The following SNTB1 variants were observed in gnomAD, a reference collection of about 807,000 sequenced individuals.
The protein encoded by SNTB1 is beta-1-syntrophin.
Under a neutral mutation model 48.9 loss-of-function variants are expected in SNTB1, and 36 were observed. The observed-to-expected ratio is 0.74, with a 90% CI of 0.56 to 0.97. The LOEUF (loss-of-function observed/expected upper bound fraction) is 0.97. Ranked by LOEUF, SNTB1 falls within the 50% of genes least tolerant of loss-of-function variation. The pLI is 0.00. For missense variants in SNTB1, 786 were observed against 703.4 expected (o/e 1.12, Z -1.33); for synonymous variants, 299 against 294.6 (o/e 1.01, Z -0.15).
At chr8:120,567,622 T>G (rs1586999023) in intron 4 of SNTB1, among the ~76,000 whole-genome samples, 1 of 151,980 alleles carries the variant, frequency 6.6e-6, no homozygotes, top group South Asian at 2.1e-4. Flanking sequence ...GGATCCTCCA[T>G]GTTGCCCAGG....
intron 1 of SNTB1, chr8:120,768,603 T>A (rs1017399759): frequency 1.3e-5 from 2 of 151,766 alleles, no homozygotes; most frequent in Non-Finnish European, 2.9e-5. Context: ...GTCTTGGGAG[T>A]AGTGTGTTGG....
chr8:120,746,148 C>T (rs1819122265), intron 1 of SNTB1, among the ~76,000 whole-genome samples: 1 of 152,168 alleles, frequency 6.6e-6, no homozygotes, highest in African/African-American at 2.4e-5. Context: ...TTCATCTCTG[C>T]CACCCCAATG....
chr8:120,713,798 T>C (rs1453119204), intron 1 of SNTB1, among the ~76,000 whole-genome samples: 1 of 152,218 alleles, frequency 6.6e-6, no homozygotes, highest in Non-Finnish European at 1.5e-5. Flanking sequence ...TTTCACACTG[T>C]GTAACATGTT....
At chr8:120,630,422 T>C (rs1378139121) in intron 3 of SNTB1, among the ~76,000 whole-genome samples, 2 of 152,244 alleles carry the variant, frequency 1.3e-5, no homozygotes, top group Non-Finnish European at 1.5e-5. Context: ...GGCTTCTTAC[T>C]ACTGTTGGCC....
At chr8:120,544,046 C>G (rs894800125) in intron 5 of SNTB1, among the ~76,000 whole-genome samples, 1 of 151,378 alleles carries the variant, frequency 6.6e-6, no homozygotes, top group Non-Finnish European at 1.5e-5. Context: ...CCGCCTCAGT[C>G]TCCTGAGTAG....
Position 120,811,608 on chromosome 8 carries a change from G to A in SNTB1, c.236C>T (p.Ala79Val), listed in dbSNP as rs201940243. Residue 79 changes from alanine to valine, a missense_variant, in exon 1 of 7, where the codon GCG becomes GTG. Physicochemically the swap from Ala to Val is moderately conservative, Grantham distance 64. Transcript: ENST00000517992. ...CRGAGAGHPGAGGAQPPDSPA... is the reference protein window; with the variant it reads ...CRGAGAGHPGVGGAQPPDSPA... ...CGAGTCCGGGGGCTGCGCGCCGCCC[G>A]CGCCCGGGTGCCCAGCCCCGGCGCC... 1.3e-3 allele frequency: 1,979 copies of A among 1,580,918 alleles called. 16 individuals carry two copies. The highest frequency in any genetic ancestry group is 0.01 in the Middle Eastern group (59 of 5,800).
chr8:120,547,495 G>A (rs947699159), intron 5 of SNTB1, among the ~76,000 whole-genome samples: 1 of 151,504 alleles, frequency 6.6e-6, no homozygotes, highest in Non-Finnish European at 1.5e-5. Flanking sequence ...TACTCAGGAG[G>A]CTGAGGCAGG....
intron 4 of SNTB1, chr8:120,570,842 T>C (rs1394150580): frequency 6.2e-6 from 1 of 161,730 alleles, no homozygotes; most frequent in Non-Finnish European, 1.3e-5. Flanking sequence ...CTTGTTCCTC[T>C]GGTGAGTTTT....
chr8:120,716,567 T>A (rs545844058), intron 1 of SNTB1, among the ~76,000 whole-genome samples: 1 of 152,266 alleles, frequency 6.6e-6, no homozygotes, highest in East Asian at 1.9e-4. Context: ...AGGTCTCTGT[T>A]TTTAGACACT....
At chr8:120,565,220 A>G (rs947183650) in intron 4 of SNTB1, among the ~76,000 whole-genome samples, 1 of 152,186 alleles carries the variant, frequency 6.6e-6, no homozygotes, top group Non-Finnish European at 1.5e-5. Context: ...TAGCCAATGT[A>G]TTTATAAACC....
chr8:120,560,096 G>A (rs72680546), intron 4 of SNTB1, among the ~76,000 whole-genome samples: 3,702 of 152,302 alleles, frequency 0.024, 68 homozygotes, highest in Middle Eastern at 0.037. Context: ...ATTGTCAGGT[G>A]AGAGGGGTTT....
At chr8:120,582,934 T>TA (rs535235215) in intron 3 of SNTB1, among the ~76,000 whole-genome samples, 46 of 151,500 alleles carry the variant, frequency 3.0e-4, no homozygotes, top group Non-Finnish European at 5.7e-4. Context: ...AAAGTAAAAT[T>TA]AAAAAAAATG....
At chr8:120,654,071 A>AAAAAAAAAAAAAAAAAAAAAAAAAAAAT (rs1817457552) in intron 2 of SNTB1, among the ~76,000 whole-genome samples, 1 of 144,012 alleles carries the variant, frequency 6.9e-6, no homozygotes, top group Non-Finnish European at 1.5e-5. Flanking sequence ...AAAAAAAAAA[A>AAAAAAAAAAAAAAAAAAAAAAAAAAAAT]GTTGTCTTCT....
intron 2 of SNTB1, among the ~76,000 whole-genome samples, chr8:120,666,652 A>G (rs1165916192): frequency 4.6e-5 from 7 of 152,112 alleles, no homozygotes; most frequent in African/African-American, 7.2e-5. Context: ...AAATTTGAGT[A>G]ATTTTCAGCC....
chr8:120,640,474 C>T (rs1442140879), intron 2 of SNTB1, among the ~76,000 whole-genome samples: 2 of 152,124 alleles, frequency 1.3e-5, no homozygotes, highest in African/African-American at 2.4e-5. Context: ...AGAGGGAATG[C>T]TTCCAGTTTT....
intron 3 of SNTB1, among the ~76,000 whole-genome samples, chr8:120,631,925 C>T (rs1034663374): frequency 1.3e-5 from 2 of 152,072 alleles, no homozygotes; most frequent in Admixed American, 6.5e-5. Flanking sequence ...GAGTGGCTGG[C>T]TTAAGAGCAT....
chr8:120,680,827 C>T (rs185988162), intron 2 of SNTB1, among the ~76,000 whole-genome samples: 68 of 152,288 alleles, frequency 4.5e-4, no homozygotes, highest in Admixed American at 8.5e-4. Context: ...CTTCAGCACC[C>T]AGATGGTCAA....
chr8:120,755,888 A>G (rs1383343316), intron 1 of SNTB1, among the ~76,000 whole-genome samples: 1 of 152,192 alleles, frequency 6.6e-6, no homozygotes, highest in Non-Finnish European at 1.5e-5. Flanking sequence ...GATAAAGGAT[A>G]AGAAGTCTCG....
At chr8:120,564,380 A>G (rs1205986023) in intron 4 of SNTB1, among the ~76,000 whole-genome samples, 1 of 152,158 alleles carries the variant, frequency 6.6e-6, no homozygotes, top group Non-Finnish European at 1.5e-5. Context: ...CAGCCGTCCC[A>G]GGAAGATGGT....
Sources: allele counts gnomAD v4.1 joint callset (sites outside exome capture counted in the v4.1 genomes callset), GRCh38; gene constraint gnomAD v4.1.1; transcripts MANE v1.5; gene names NCBI Gene and HGNC (gene_info 2026-07-23, HGNC 2026-07-21).